LRRC9: variants seen among roughly 807,000 people sequenced by gnomAD.
The protein encoded by LRRC9 is leucine rich repeat containing 9.
A neutral mutation model predicts 63.2 loss-of-function variants in LRRC9; 122 were observed. The ratio of observed to expected loss-of-function variants is 1.93; its 90% CI spans 1.67 to 2.24. The LOEUF is 2.24. Ranked by LOEUF, LRRC9 falls within the 30% of genes most tolerant of loss-of-function variation. LRRC9 has a pLI of 0.00. For synonymous variants in LRRC9, 366 were observed against 213.1 expected (o/e 1.72, Z -6.25); for missense variants, 1,071 against 627.7 (o/e 1.71, Z -7.55).
At chr14:59,954,345 G>A (rs999864238) in intron 8 of LRRC9, among the ~76,000 whole-genome samples, 3 of 152,118 alleles carry the variant, frequency 2.0e-5, no homozygotes, top group Admixed American at 1.3e-4. Flanking sequence ...TCCTTGAGCA[G>A]TGGTTTGTAG....
At chr14:59,937,111 T>C (rs1360208651) in intron 6 of LRRC9, among the ~76,000 whole-genome samples, 1 of 150,640 alleles carries the variant, frequency 6.6e-6, no homozygotes, top group Admixed American at 6.7e-5. Flanking sequence ...GTGTTCTAAG[T>C]GCTGAGTGTT....
At chr14:60,066,092 T>G (rs544725657), downstream of LRRC9, among the ~76,000 whole-genome samples, 3 of 152,164 alleles carry the variant, frequency 2.0e-5, no homozygotes, top group South Asian at 6.2e-4. Context: ...GTGCTGGGAT[T>G]ATAGGCATGA....
At chr14:60,033,186 T>C (rs1256796867) in intron 29 of LRRC9, among the ~76,000 whole-genome samples, 1 of 152,152 alleles carries the variant, frequency 6.6e-6, no homozygotes, top group Non-Finnish European at 1.5e-5. Context: ...CATCTAGGAA[T>C]CTTGCTGAAC....
downstream of LRRC9, among the ~76,000 whole-genome samples, chr14:60,064,948 C>A (rs1366058607): frequency 6.6e-6 from 1 of 152,180 alleles, no homozygotes; most frequent in Non-Finnish European, 1.5e-5. Flanking sequence ...ATAACTTACA[C>A]TGTATTCACT....
chr14:59,979,445 T>C (rs1886677106), intron 15 of LRRC9, among the ~76,000 whole-genome samples: 1 of 152,002 alleles, frequency 6.6e-6, no homozygotes, highest in African/African-American at 2.4e-5. Flanking sequence ...TCCCCGTCTC[T>C]ACTAAAAATA....
At chr14:59,976,918 A>T (rs1886346453) in intron 13 of LRRC9, among the ~76,000 whole-genome samples, 1 of 152,168 alleles carries the variant, frequency 6.6e-6, no homozygotes, top group Non-Finnish European at 1.5e-5. Flanking sequence ...ACCAAAATTT[A>T]TTTTTAACTA....
intron 28 of LRRC9, among the ~76,000 whole-genome samples, chr14:60,028,651 TAC>T (rs564296805): frequency 5.9e-5 from 9 of 152,230 alleles, no homozygotes; most frequent in African/African-American, 2.2e-4. Context: ...TGAGATAGCA[TAC>T]AGATAAGAGT....
intron 3 of LRRC9, among the ~76,000 whole-genome samples, chr14:59,929,892 TAG>T (rs1889544298): frequency 6.6e-6 from 1 of 151,736 alleles, no homozygotes; most frequent in African/African-American, 2.4e-5. Flanking sequence ...CATGGACACA[TAG>T]AGGGGAACGA....
At chr14:60,013,321 T>C (rs866966072) in intron 23 of LRRC9, among the ~76,000 whole-genome samples, 37 of 152,256 alleles carry the variant, frequency 2.4e-4, no homozygotes, top group African/African-American at 8.7e-4. Flanking sequence ...GGGAAGATTA[T>C]GGACAGGCTG....
At position 59,936,420 on chromosome 14, in the gene LRRC9, T is replaced by A. The variant is rs1325858252; in HGVS notation, c.544-1970T>A. On this transcript the variant is annotated intron_variant, in intron 6 of 31. Transcript: ENST00000445360. The surrounding 1 kb of genome is among the most constrained non-coding windows in gnomAD (Gnocchi z 4.2). ...TAAGAAGATAACTATCTTATCATGG[T>A]GGTGATTGAATCAATTCTGTGCCCA... is the stretch of plus-strand genomic sequence containing the variant. 6.6e-6 allele frequency among the ~76,000 whole-genome samples: 1 copy of A among 152,132 alleles called. No homozygotes were observed. The highest frequency in any genetic ancestry group is 1.5e-5 in the Non-Finnish European group (1 of 68,028).
intron 16 of LRRC9, among the ~76,000 whole-genome samples, chr14:59,984,527 ATATT>A (rs1887258910): frequency 6.6e-6 from 1 of 152,316 alleles, no homozygotes; most frequent in African/African-American, 2.4e-5. Flanking sequence ...ATGTGTAATA[ATATT>A]TGTTTTTATA....
chr14:59,949,424 G>A (rs1333923532), intron 8 of LRRC9, among the ~76,000 whole-genome samples: 12 of 148,588 alleles, frequency 8.1e-5, no homozygotes, highest in African/African-American at 2.2e-4. Flanking sequence ...TCTTGCTAGC[G>A]GTCTATCAAT....
intron 31 of LRRC9, among the ~76,000 whole-genome samples, chr14:60,059,619 G>A (rs1051074454): frequency 1.3e-5 from 2 of 152,186 alleles, no homozygotes; most frequent in Non-Finnish European, 2.9e-5. Flanking sequence ...GTCCGGATAG[G>A]ATATCAACCA....
At chr14:59,987,719 G>T (rs541575633) in intron 17 of LRRC9, among the ~76,000 whole-genome samples, 1 of 152,178 alleles carries the variant, frequency 6.6e-6, no homozygotes, top group East Asian at 1.9e-4. Flanking sequence ...ATATCTTATT[G>T]TCTCACTTGT....
intron 20 of LRRC9, among the ~76,000 whole-genome samples, chr14:60,002,730 G>A (rs775163370): frequency 2.0e-5 from 3 of 152,106 alleles, no homozygotes; most frequent in African/African-American, 4.8e-5. Flanking sequence ...GACTGCGTTC[G>A]CCACAGAATT....
In LRRC9 at chr14:59,958,434, A is replaced by C. The variant is rs1884014030; in HGVS notation, c.883-1384A>C. 6.6e-6 allele frequency among the ~76,000 whole-genome samples: 1 copy of C among 152,084 alleles called. No homozygotes were observed. The highest frequency in any genetic ancestry group is 6.5e-5 in the Admixed American group (1 of 15,272). On this transcript the variant is annotated intron_variant, in intron 8 of 31. Coordinates refer to ENST00000445360, the Ensembl canonical transcript of LRRC9. The surrounding 1 kb of genome is among the most constrained non-coding windows in gnomAD (Gnocchi z 4.0). ...AACTCCTTAGCACTGTCAGGGAAAA[A>C]CCACCTACTAAAGCCTCAGTAATGG...
chr14:60,055,710 T>C (rs937115749), intron 30 of LRRC9, among the ~76,000 whole-genome samples: 1 of 140,194 alleles, frequency 7.1e-6, no homozygotes, highest in African/African-American at 2.6e-5. Flanking sequence ...CTGGGGAACA[T>C]GGCAAAACCT....
rs763403643 is a variant in LRRC9, at chr14:60,030,842, C to T, written c.3922-1153C>T. Among the ~76,000 whole-genome samples, 62 of 152,112 alleles carry T rather than the reference C, an allele frequency of 4.1e-4. 1 individual carries two copies. The highest frequency in any genetic ancestry group is 1.5e-3 in the South Asian group (7 of 4,818). On this transcript the variant is annotated intron_variant, in intron 28 of 31. Transcript: ENST00000445360. Reference sequence around the variant, plus strand: ...CAGCACACTACTGTAAAAAAAAATGCTGCATATTAAAAATGGGAAGCCATC... The same window carrying T: ...CAGCACACTACTGTAAAAAAAAATGTTGCATATTAAAAATGGGAAGCCATC...
intron 12 of LRRC9, among the ~76,000 whole-genome samples, chr14:59,972,951 C>T (rs1403798214): frequency 6.6e-6 from 1 of 152,030 alleles, no homozygotes; most frequent in African/African-American, 2.4e-5. Context: ...TATTATAACA[C>T]ATTTGTTTTA....
Sources: allele counts gnomAD v4.1 joint callset (sites outside exome capture counted in the v4.1 genomes callset), GRCh38; gene constraint gnomAD v4.1.1; non-coding constraint Gnocchi (gnomAD v3.1); transcripts MANE v1.5; gene names NCBI Gene and HGNC (gene_info 2026-07-23, HGNC 2026-07-21).